PTPRD: variants seen among roughly 807,000 people sequenced by gnomAD.
PTPRD encodes receptor-type tyrosine-protein phosphatase delta.
In PTPRD, 34 loss-of-function variants were observed where a neutral mutation model predicts 214.5. The ratio of observed to expected loss-of-function variants is 0.16; its 90% CI spans 0.12 to 0.21. The LOEUF is 0.21. Among genes scored for constraint, PTPRD ranks in the 10% least tolerant of loss-of-function variants. PTPRD has a pLI of 1.00. For synonymous variants in PTPRD, 1,128 were observed against 845.7 expected (o/e 1.33, Z -5.79); for missense variants, 2,545 against 2,398.7 (o/e 1.06, Z -1.27).
intron 7 of PTPRD, among the ~76,000 whole-genome samples, chr9:9,592,842 C>T (rs1349154089): frequency 1.3e-5 from 2 of 151,888 alleles, no homozygotes; most frequent in East Asian, 1.9e-4. Context: ...GTCAGGAGTT[C>T]GAGATCAGTC....
At chr9:9,651,350 G>T (rs1306671544) in intron 7 of PTPRD, among the ~76,000 whole-genome samples, 1 of 152,082 alleles carries the variant, frequency 6.6e-6, no homozygotes. Flanking sequence ...CAGTTATTAA[G>T]TCTAGTGACC....
At chr9:9,107,734 T>A (rs1359165973) in intron 10 of PTPRD, among the ~76,000 whole-genome samples, 6 of 152,184 alleles carry the variant, frequency 3.9e-5, no homozygotes, top group Admixed American at 2.0e-4. Context: ...TCAGGCCATT[T>A]GTCTTTTGCT....
chr9:9,848,681 T>C (rs573952953), intron 5 of PTPRD, among the ~76,000 whole-genome samples: 12 of 152,098 alleles, frequency 7.9e-5, no homozygotes, highest in Non-Finnish European at 1.5e-4. Context: ...GAAGAAAATA[T>C]ATCACACAAA....
chr9:9,268,366 C>A (rs116216636), intron 9 of PTPRD, among the ~76,000 whole-genome samples: 4 of 149,936 alleles, frequency 2.7e-5, no homozygotes, highest in Admixed American at 2.7e-4. Context: ...ATGGAAAAAA[C>A]GCAAGTATAT....
intron 11 of PTPRD, among the ~76,000 whole-genome samples, chr9:8,921,191 C>G (rs2098825507): frequency 6.6e-6 from 1 of 152,204 alleles, no homozygotes; most frequent in African/African-American, 2.4e-5. Context: ...TTCATTGACA[C>G]ATTAGAAGAT....
chr9:9,589,447 T>C (rs1201110365), intron 7 of PTPRD, among the ~76,000 whole-genome samples: 1 of 151,994 alleles, frequency 6.6e-6, no homozygotes, highest in Non-Finnish European at 1.5e-5. Context: ...TACTGATTTG[T>C]AGCAATTAAG....
chr9:9,756,272 G>C (rs2098576154), intron 6 of PTPRD, among the ~76,000 whole-genome samples: 2 of 152,048 alleles, frequency 1.3e-5, no homozygotes, highest in Admixed American at 6.6e-5. Flanking sequence ...CAAAGTCTAT[G>C]GTTTCTCTCT....
chr9:8,985,603 C>T (rs2099338780), intron 11 of PTPRD, among the ~76,000 whole-genome samples: 1 of 151,390 alleles, frequency 6.6e-6, no homozygotes, highest in Non-Finnish European at 1.5e-5. Context: ...CTCAGTGGTT[C>T]CTTCCTTGGA....
chr9:9,825,606 C>T (rs1449184971), intron 5 of PTPRD, among the ~76,000 whole-genome samples: 1 of 151,868 alleles, frequency 6.6e-6, no homozygotes, highest in East Asian at 1.9e-4. Flanking sequence ...TAAATGTTCA[C>T]CATTAACTAG....
At chr9:8,745,836 C>A (rs1407637985) in intron 11 of PTPRD, among the ~76,000 whole-genome samples, 1 of 152,012 alleles carries the variant, frequency 6.6e-6, no homozygotes, top group Non-Finnish European at 1.5e-5. Flanking sequence ...CTTGTTCTGT[C>A]GCCCAGGCTG....
chr9:8,483,968 A>T (rs1444830816), intron 30 of PTPRD, 151 bp downstream of exon 30: 8 of 987,946 alleles, frequency 8.1e-6, no homozygotes, highest in Non-Finnish European at 1.2e-5. Context: ...ACGTTGTAAA[A>T]GAACTCGGAT....
At chr9:9,322,180 T>G (rs1348794027) in intron 9 of PTPRD, among the ~76,000 whole-genome samples, 3 of 152,150 alleles carry the variant, frequency 2.0e-5, no homozygotes, top group Non-Finnish European at 4.4e-5. Context: ...TATTGTAGCT[T>G]AAAGATGTTT....
At chr9:8,917,434 G>A (rs552656737) in intron 11 of PTPRD, among the ~76,000 whole-genome samples, 1 of 152,054 alleles carries the variant, frequency 6.6e-6, no homozygotes, top group East Asian at 1.9e-4. Flanking sequence ...ACCGCGCCCG[G>A]CCTACATAAC....
At chr9:9,756,239 G>A (rs1345354011) in intron 6 of PTPRD, among the ~76,000 whole-genome samples, 1 of 152,058 alleles carries the variant, frequency 6.6e-6, no homozygotes, top group South Asian at 2.1e-4. Flanking sequence ...GGTTATGTGA[G>A]ATTCATTAGC....
chr9:10,280,088 C>A (rs896215867), intron 3 of PTPRD, among the ~76,000 whole-genome samples: 6 of 151,978 alleles, frequency 3.9e-5, no homozygotes, highest in African/African-American at 1.5e-4. Context: ...GTACAATAAA[C>A]CATTATATAT....
At chr9:10,096,935 C>T (rs1290269924) in intron 3 of PTPRD, among the ~76,000 whole-genome samples, 1 of 151,936 alleles carries the variant, frequency 6.6e-6, no homozygotes, top group Non-Finnish European at 1.5e-5. Flanking sequence ...GGAAGGGATC[C>T]AGTTTCAGCT....
chr9:9,895,290 A>C (rs2074633480), intron 5 of PTPRD, among the ~76,000 whole-genome samples: 1 of 149,254 alleles, frequency 6.7e-6, no homozygotes, highest in Admixed American at 6.6e-5. Flanking sequence ...TATAAAATAC[A>C]CCTTAGGTGG....
intron 4 of PTPRD, among the ~76,000 whole-genome samples, chr9:10,014,536 T>C (rs943134379): frequency 6.6e-6 from 1 of 151,996 alleles, no homozygotes; most frequent in African/African-American, 2.4e-5. Context: ...CTAGAAATAA[T>C]GCATTTCCTT....
intron 10 of PTPRD, among the ~76,000 whole-genome samples, chr9:9,114,444 T>G (rs1430875684): frequency 1.3e-5 from 2 of 152,126 alleles, no homozygotes; most frequent in Non-Finnish European, 2.9e-5. Context: ...GTGGGATCAT[T>G]TGGTCCTGTA....
Sources: gnomAD v4.1 joint callset for allele counts (sites outside exome capture counted in the v4.1 genomes callset) on GRCh38, gnomAD v4.1.1 for gene constraint, MANE v1.5 for transcripts, NCBI Gene and HGNC (gene_info 2026-07-23, HGNC 2026-07-21) for gene names.